Variants in PPEF2 observed in about 807,000 individuals in gnomAD.
PPEF2 encodes the protein protein phosphatase with EF-hand domain 2, also known as serine/threonine-protein phosphatase with EF-hands 2.
Under a neutral mutation model 84.7 loss-of-function variants are expected in PPEF2, and 84 were observed. The ratio of observed to expected loss-of-function variants is 0.99; its 90% CI spans 0.83 to 1.19. The LOEUF (loss-of-function observed/expected upper bound fraction) is 1.19. Among genes scored for constraint, PPEF2 ranks in the 50% most tolerant of loss-of-function variants. PPEF2 has a pLI of 0.00. For missense variants in PPEF2, 924 were observed against 937.5 expected (o/e 0.99, Z 0.19); for synonymous variants, 346 against 345.2 (o/e 1.00, Z -0.03).
chr4:75,867,273 G>T, intron 14 of PPEF2, 40 bp downstream of exon 14: 1 of 1,505,890 alleles, frequency 6.6e-7, no homozygotes, highest in Non-Finnish European at 9.2e-7. Context: ...TTTCTGGCTA[G>T]CTTCCTTCCT....
At chr4:75,887,748 G>A (rs1724767964) in intron 6 of PPEF2, among the ~76,000 whole-genome samples, 1 of 152,202 alleles carries the variant, frequency 6.6e-6, no homozygotes, top group Admixed American at 6.5e-5. Flanking sequence ...GTTAAGGTGT[G>A]GGATGTCTGT....
At position 75,883,232 on chromosome 4, in the gene PPEF2, A is replaced by G. The variant is rs1461915113; in HGVS notation, c.747-30T>C. Reference sequence around the variant, plus strand: ...ATTTAGAAGCACAAATAGATATTAGAGTAAACTGGGTGACAATAATCAGGG... The same window carrying G: ...ATTTAGAAGCACAAATAGATATTAGGGTAAACTGGGTGACAATAATCAGGG... On this transcript the variant is annotated intron_variant, in intron 8 of 16. Transcript: ENST00000286719. The G allele has an allele frequency of 1.9e-6, 3 of 1,594,500 alleles. No individual in the cohort carries two copies. In the Admixed American group the frequency reaches 5.0e-5, roughly 27 times the overall value.
Position 75,891,652 on chromosome 4 carries a change from G to C in PPEF2, c.237C>G (p.Asn79Lys). 6.2e-7 allele frequency: 1 copy of C among 1,609,240 alleles called. No homozygotes were observed. The highest frequency in any genetic ancestry group is 1.1e-5 in the South Asian group (1 of 90,088). The change falls in exon 4 of 17, where the codon AAC becomes AAG. Residue 79 changes from asparagine (N) to lysine (K), a missense_variant. Physicochemically the swap from Asn to Lys is moderately conservative, Grantham distance 94. Coordinates refer to ENST00000286719, the MANE Select transcript of PPEF2 (RefSeq NM_006239.3). ...LMDHFIPSSH[N>K]DRDFLTRIFT... ...CATGTGGCAGTTCATACTCACTGTC[G>C]TTGTGGCTGCTGGGGATGAAGTGAT...
chr4:75,901,465 G>T (rs1204853265), intron 1 of PPEF2, among the ~76,000 whole-genome samples: 1 of 151,480 alleles, frequency 6.6e-6, no homozygotes, highest in Non-Finnish European at 1.5e-5. Context: ...AAGTTGTAGT[G>T]AGCCAAGATT....
rs1457807371 is a variant in PPEF2 at position 75,891,643 on chromosome 4, C to A, written c.241+5G>T. The A allele has an allele frequency of 1.9e-6, 3 of 1,605,246 alleles. No individual in the cohort carries two copies. In the African/African-American group the frequency reaches 4.0e-5, roughly 22 times the overall value. Reference sequence around the variant, plus strand: ...AGGACATGACATGTGGCAGTTCATACTCACTGTCGTTGTGGCTGCTGGGGA... The same window carrying A: ...AGGACATGACATGTGGCAGTTCATAATCACTGTCGTTGTGGCTGCTGGGGA... On this transcript the variant is annotated splice_donor_5th_base_variant and intron_variant, in intron 4 of 16. Transcript: ENST00000286719.
chr4:75,899,573 G>C (rs997612219), intron 1 of PPEF2, among the ~76,000 whole-genome samples: 13 of 152,022 alleles, frequency 8.6e-5, no homozygotes, highest in Admixed American at 2.6e-4. Flanking sequence ...TGTGATACTG[G>C]GGATTATCAA....
At position 75,860,731 on chromosome 4, in the gene PPEF2, G is replaced by A. The variant is rs1723977219; in HGVS notation, c.2198C>T (p.Ala733Val). The stretch of plus-strand genomic sequence containing the variant: ...ATTTGTAGCTTGTGGGCATTCTGAG[G>A]CATCGCCCTCTGGGCAGGATTTCTC... ...LVEKSCPEGD[A>V]SECPQATNAK... Residue 733 changes from alanine to valine, a missense_variant, in exon 17 of 17, where the codon GCC (alanine) becomes GTC (valine). Coordinates refer to ENST00000286719, the MANE Select transcript of PPEF2 (RefSeq NM_006239.3). The A allele has an allele frequency of 3.7e-6, 6 of 1,614,114 alleles. No individual in the cohort carries two copies. The highest frequency in any genetic ancestry group is 5.1e-6 in the Non-Finnish European group (6 of 1,180,036).
Position 75,884,645 on chromosome 4 carries a change from T to G in PPEF2, c.695A>C (p.Lys232Thr). 2 of 1,613,636 alleles carry G rather than the reference T, an allele frequency of 1.2e-6. No individual in the cohort carries two copies. Among genetic ancestry groups the G allele is most frequent in the Non-Finnish European group, 1.7e-6 (2 of 1,179,846 alleles). The change falls in exon 8 of 17, where the codon AAA (lysine) becomes ACA (threonine). Residue 232 changes from lysine (K) to threonine (T), a missense_variant. Transcript: ENST00000286719. ...GTTTCCTCTGTTAAGATGGAACTCT[T>G]TGGGGTAAACCAGCATGAAGGCAAA... ...ILFAFMLVYP[K>T]EFHLNRGNHE...
intron 14 of PPEF2, among the ~76,000 whole-genome samples, chr4:75,866,944 T>G (rs1724145668): frequency 6.6e-6 from 1 of 152,182 alleles, no homozygotes; most frequent in South Asian, 2.1e-4. Flanking sequence ...GCTTGGATAA[T>G]AAATCATGAA....
intron 2 of PPEF2, among the ~76,000 whole-genome samples, chr4:75,894,353 TG>T (rs1724960359): frequency 6.6e-6 from 1 of 152,146 alleles, no homozygotes. Flanking sequence ...TAATGAATTA[TG>T]ACATCCCTTT....
At chr4:75,877,014 GA>G (rs899025227) in intron 10 of PPEF2, among the ~76,000 whole-genome samples, 1 of 119,600 alleles carries the variant, frequency 8.4e-6, no homozygotes, top group African/African-American at 7.0e-5. Flanking sequence ...AAAAAAGAAA[GA>G]AAGAAAGAAA....
At chr4:75,882,207 C>T (rs528544129) in intron 10 of PPEF2, among the ~76,000 whole-genome samples, 1 of 152,184 alleles carries the variant, frequency 6.6e-6, no homozygotes, top group Non-Finnish European at 1.5e-5. Flanking sequence ...ATCTCTGTAA[C>T]ACTTTCTTTG....
intron 2 of PPEF2, among the ~76,000 whole-genome samples, chr4:75,895,849 TAC>T (rs1724997414): frequency 6.6e-6 from 1 of 152,036 alleles, no homozygotes; most frequent in African/African-American, 2.4e-5. Flanking sequence ...GTGCTGGGAT[TAC>T]AGGTGTGACC....
At chr4:75,873,794 AT>A (rs781257047) in intron 11 of PPEF2, among the ~76,000 whole-genome samples, 682 of 144,770 alleles carry the variant, frequency 4.7e-3, no homozygotes, top group Middle Eastern at 7.1e-3. Flanking sequence ...TAGTTTAAGA[AT>A]TTTTTTTTTT....
chr4:75,898,175 C>T lies in PPEF2; in HGVS notation c.-58-1792G>A, dbSNP rs112782367. ...CCTTTAAGCGGTTTTCTGCCCTGGG[C>T]GGGCCAGATGTTCCCTGCCCTCATT... On this transcript the variant is annotated intron_variant, in intron 1 of 16. Transcript: ENST00000286719. Among the ~76,000 whole-genome samples the T allele has an allele frequency of 8.8e-3, 1,335 of 152,314 alleles. 9 individuals carry two copies. The highest frequency in any genetic ancestry group is 0.014 in the Non-Finnish European group (950 of 68,022).
chr4:75,879,177 G>C (rs1300895202), intron 10 of PPEF2, among the ~76,000 whole-genome samples: 1 of 152,188 alleles, frequency 6.6e-6, no homozygotes, highest in Non-Finnish European at 1.5e-5. Flanking sequence ...CACTGCTAGG[G>C]TCACCTGCAG....
intron 10 of PPEF2, among the ~76,000 whole-genome samples, chr4:75,878,369 G>A (rs779164319): frequency 1.2e-4 from 18 of 152,208 alleles, no homozygotes; most frequent in Non-Finnish European, 2.6e-4. Context: ...GGTGAACCCC[G>A]AGGGGGAAGA....
At chr4:75,868,107 C>T (rs959558100) in intron 13 of PPEF2, among the ~76,000 whole-genome samples, 6 of 149,862 alleles carry the variant, frequency 4.0e-5, no homozygotes, top group South Asian at 2.1e-4. Context: ...CCCAGGAGTT[C>T]GAGACCAGCC....
At chr4:75,863,246 C>T (rs771641125) in intron 16 of PPEF2, among the ~76,000 whole-genome samples, 9 of 151,450 alleles carry the variant, frequency 5.9e-5, no homozygotes, top group Non-Finnish European at 7.4e-5. Context: ...AATCCCAGCA[C>T]TTTGGGAGAT....
Sources: gnomAD v4.1 joint callset for allele counts (sites outside exome capture counted in the v4.1 genomes callset) on GRCh38, gnomAD v4.1.1 for gene constraint, MANE v1.5 for transcripts, NCBI Gene and HGNC (gene_info 2026-07-23, HGNC 2026-07-21) for gene names.